The following NUMB variants were observed in gnomAD, a reference collection of about 807,000 sequenced individuals.
The protein encoded by NUMB is protein numb homolog.
In NUMB, 29 loss-of-function variants were observed where a neutral mutation model predicts 59.7. That is an observed-to-expected ratio of 0.49 (90% CI 0.36 to 0.66). The LOEUF (loss-of-function observed/expected upper bound fraction) is 0.66, where lower values mean the gene tolerates loss of function less well. Among genes scored for constraint, NUMB ranks in the 30% least tolerant of loss-of-function variants. The probability of loss-of-function intolerance (pLI) is 0.00; values close to 1 mark genes in which losing one functional copy is unlikely to be tolerated. For synonymous variants in NUMB, 288 were observed against 288.2 expected (o/e 1.00, Z 0.01); for missense variants, 723 against 822.0 (o/e 0.88, Z 1.47).
chr14:73,387,896 A>C (rs1018275310), intron 2 of NUMB, among the ~76,000 whole-genome samples: 1 of 149,830 alleles, frequency 6.7e-6, no homozygotes, highest in African/African-American at 2.5e-5. Flanking sequence ...AGGCAGGAGG[A>C]TCATTTGAGC....
chr14:73,394,209 G>T (rs1896004825), intron 2 of NUMB, among the ~76,000 whole-genome samples: 1 of 152,082 alleles, frequency 6.6e-6, no homozygotes, highest in African/African-American at 2.4e-5. Context: ...CCCACCTCGT[G>T]CTGGGATTAC....
chr14:73,376,558 T>TA (rs1440816269), intron 2 of NUMB, among the ~76,000 whole-genome samples: 1 of 149,450 alleles, frequency 6.7e-6, no homozygotes, highest in Non-Finnish European at 1.5e-5. Context: ...AAAATAAAAA[T>TA]AAACTTTATA....
chr14:73,370,254 G>C (rs190724966), intron 2 of NUMB, among the ~76,000 whole-genome samples: 225 of 152,244 alleles, frequency 1.5e-3, no homozygotes, highest in African/African-American at 5.2e-3. Context: ...TTTTTACAAA[G>C]TGCCCCTTCC....
chr14:73,279,172 T>C, intron 12 of NUMB, 109 bp downstream of exon 12: 2 of 1,255,130 alleles, frequency 1.6e-6, no homozygotes, highest in Non-Finnish European at 2.3e-6. Context: ...GAACATAGTT[T>C]TCCTGAAAGG....
At chr14:73,304,252 C>G (rs562052742) in intron 6 of NUMB, among the ~76,000 whole-genome samples, 2 of 111,622 alleles carry the variant, frequency 1.8e-5, no homozygotes, top group Non-Finnish European at 3.5e-5. Flanking sequence ...TAACCAATTG[C>G]TATCTACCTA....
At chr14:73,324,139 G>GAAGA (rs1891545926) in intron 4 of NUMB, among the ~76,000 whole-genome samples, 1 of 152,070 alleles carries the variant, frequency 6.6e-6, no homozygotes, top group Non-Finnish European at 1.5e-5. Context: ...AGAGACTAAC[G>GAAGA]GTCAACACCC....
intron 4 of NUMB, among the ~76,000 whole-genome samples, chr14:73,328,517 G>T (rs960616617): frequency 6.6e-6 from 1 of 152,102 alleles, no homozygotes; most frequent in African/African-American, 2.4e-5. Flanking sequence ...TTCCCAAAAT[G>T]TCATCACAAT....
At chr14:73,380,940 C>G (rs1287405527) in intron 2 of NUMB, among the ~76,000 whole-genome samples, 1 of 152,144 alleles carries the variant, frequency 6.6e-6, no homozygotes, top group East Asian at 1.9e-4. Flanking sequence ...CCAGGCTGGT[C>G]TCAAACTCCT....
chr14:73,356,857 GCTTTTTT>G (rs1333280784), intron 3 of NUMB: 2 of 157,294 alleles, frequency 1.3e-5, no homozygotes, highest in East Asian at 3.9e-4. Flanking sequence ...ACCACACCTG[GCTTTTTT>G]CTTTTTTCTT....
chr14:73,308,032 C>T (rs571744200), intron 6 of NUMB, among the ~76,000 whole-genome samples: 8 of 152,212 alleles, frequency 5.3e-5, no homozygotes, highest in Non-Finnish European at 1.0e-4. Flanking sequence ...CGCGCCCGGC[C>T]GGGCCTCTGT....
At chr14:73,362,647 G>A (rs1457109418) in intron 3 of NUMB, among the ~76,000 whole-genome samples, 4 of 151,964 alleles carry the variant, frequency 2.6e-5, no homozygotes, top group Admixed American at 2.0e-4. Flanking sequence ...CGTTACCCAA[G>A]CTGGTTTTGA....
intron 4 of NUMB, among the ~76,000 whole-genome samples, chr14:73,353,927 A>G (rs1475401734): frequency 6.6e-6 from 1 of 152,146 alleles, no homozygotes; most frequent in African/African-American, 2.4e-5. Context: ...CTCATGATTT[A>G]ATGTCATATT....
In NUMB at chr14:73,368,044, T is replaced by TAA. The variant is rs144972247; in HGVS notation, c.-100-1065_-100-1064dup. On this transcript the variant is annotated intron_variant, in intron 2 of 12. Transcript: ENST00000555238. ...CAAACAGTAGTTTCTGCAAAGTGTT[T>TAA]AAAAAAAAAAAAAAGTTGGCTTGGA... Among the ~76,000 whole-genome samples the TAA allele has an allele frequency of 4.1e-5, 6 of 146,298 alleles. No homozygotes were observed. The South Asian group carries it at 6.5e-4, about 16-fold the overall frequency.
intron 3 of NUMB, 40 bp from the exon 4 acceptor site, chr14:73,355,806 C>T (rs1893752365): frequency 6.7e-7 from 1 of 1,482,216 alleles, no homozygotes; most frequent in African/African-American, 1.4e-5. Context: ...AGAAATATTA[C>T]CTTCTTACAT....
intron 1 of NUMB, among the ~76,000 whole-genome samples, chr14:73,425,796 C>T (rs368360378): frequency 6.7e-6 from 1 of 150,038 alleles, no homozygotes; most frequent in Non-Finnish European, 1.5e-5. Flanking sequence ...GGCTATAATT[C>T]TAATTTTATT....
At chr14:73,355,522 G>T in intron 4 of NUMB, 104 bp downstream of exon 4, 1 of 1,007,944 alleles carries the variant, frequency 9.9e-7, no homozygotes. Context: ...GAAGGGATTT[G>T]TTTTTTGGAA....
chr14:73,447,315 C>T (rs1162571857), intron 1 of NUMB, among the ~76,000 whole-genome samples: 4 of 149,458 alleles, frequency 2.7e-5, no homozygotes, highest in African/African-American at 7.4e-5. Flanking sequence ...AGTGAAACCC[C>T]GTCTCTACTA....
At chr14:73,341,630 C>G (rs566197573) in intron 4 of NUMB, among the ~76,000 whole-genome samples, 4 of 152,050 alleles carry the variant, frequency 2.6e-5, no homozygotes, top group Non-Finnish European at 5.9e-5. Flanking sequence ...ATCACAGACC[C>G]CTATAGCCTC....
At chr14:73,380,727 T>G (rs1209677204) in intron 2 of NUMB, among the ~76,000 whole-genome samples, 2 of 149,850 alleles carry the variant, frequency 1.3e-5, no homozygotes, top group Non-Finnish European at 3.0e-5. Flanking sequence ...TCAATTAGTT[T>G]TTTTTTTTTT....
Sources: allele counts gnomAD v4.1 joint callset (sites outside exome capture counted in the v4.1 genomes callset), GRCh38; gene constraint gnomAD v4.1.1; transcripts MANE v1.5; gene names NCBI Gene and HGNC (gene_info 2026-07-23, HGNC 2026-07-21).